The following DPP6 variants were observed in gnomAD, a reference collection of about 807,000 sequenced individuals.
The protein encoded by DPP6 is A-type potassium channel modulatory protein DPP6.
Under a neutral mutation model 122.6 loss-of-function variants are expected in DPP6, and 69 were observed. That is an observed-to-expected ratio of 0.56 (90% CI 0.46 to 0.69). The LOEUF is 0.69. Among genes scored for constraint, DPP6 ranks in the 30% least tolerant of loss-of-function variants. The pLI, the probability that DPP6 is intolerant of heterozygous loss-of-function variation, is 0.00. For missense variants in DPP6, 928 were observed against 1,116.9 expected (o/e 0.83, Z 2.41); for synonymous variants, 418 against 433.1 (o/e 0.97, Z 0.43).
At chr7:154,625,596 T>TGTCTG (rs142095769) in intron 5 of DPP6, among the ~76,000 whole-genome samples, 2,206 of 152,334 alleles carry the variant, frequency 0.014, 49 homozygotes, top group African/African-American at 0.05. Flanking sequence ...ACCATCTCTT[T>TGTCTG]GTCTGTTTTT....
intron 8 of DPP6, among the ~76,000 whole-genome samples, chr7:154,768,297 A>G (rs957999940): frequency 2.0e-5 from 3 of 152,242 alleles, no homozygotes; most frequent in African/African-American, 7.2e-5. Flanking sequence ...GTGGGCAGTC[A>G]GCCCTTGGCT....
Position 154,052,994 on chromosome 7 carries a change from C to G in DPP6, c.174C>G (p.Gly58=), listed in dbSNP as rs1163055980. ...AQAAAPRERG[G]GGGGAGGRPR... ...CGGCGGCGCCCCGGGAGCGCGGCGGCGGCGGCGGCGGCGCGGGTGGCCGGC... is the reference window on the plus strand; with the variant it reads ...CGGCGGCGCCCCGGGAGCGCGGCGGGGGCGGCGGCGGCGCGGGTGGCCGGC... Residue 58 remains glycine, a synonymous_variant, in exon 1 of 26, where the codon GGC becomes GGG. Transcript: ENST00000377770. The surrounding 1 kb of genome is among the most constrained non-coding windows in gnomAD (Gnocchi z 4.8). 2 of 1,055,028 alleles carry G rather than the reference C, an allele frequency of 1.9e-6. No homozygotes were observed. Among genetic ancestry groups the G allele is most frequent in the Non-Finnish European group, 2.3e-6 (2 of 876,046 alleles). 65.4% of individuals were successfully genotyped at this position (1,055,028 alleles called of 1,614,324 possible).
upstream of DPP6, among the ~76,000 whole-genome samples, chr7:153,882,790 C>A (rs374401438): frequency 1.3e-4 from 20 of 152,040 alleles, 1 homozygote; most frequent in Admixed American, 9.8e-4. Context: ...ACATGGCAGA[C>A]CCTATGGGGC....
intron 3 of DPP6, among the ~76,000 whole-genome samples, chr7:154,500,474 T>C (rs1825138071): frequency 6.6e-6 from 1 of 152,190 alleles, no homozygotes. Flanking sequence ...TTCCATGTGT[T>C]GTGGCAGGAA....
rs113024949 is a variant in DPP6, at chr7:154,628,808, A to G, written c.628-9013A>G. 8.0e-3 allele frequency among the ~76,000 whole-genome samples: 1,212 copies of G among 152,288 alleles called. 8 individuals carry two copies. Among genetic ancestry groups the G allele is most frequent in the Non-Finnish European group, 0.014 (953 of 68,024 alleles). ...AGCTGCTACATCGTGCAGGACCATGACAGTGGATGGAATTAATTACTAAAA... is the reference window on the plus strand; with the variant it reads ...AGCTGCTACATCGTGCAGGACCATGGCAGTGGATGGAATTAATTACTAAAA... On this transcript the variant is annotated intron_variant, in intron 5 of 25. Transcript: ENST00000377770.
chr7:153,753,181 G>T, the DPP6 span, among the ~76,000 whole-genome samples: 1 of 150,318 alleles, frequency 6.7e-6, no homozygotes, highest in Non-Finnish European at 1.5e-5. Context: ...CATGTTTGGT[G>T]ACTTGTATGT....
intron 1 of DPP6, among the ~76,000 whole-genome samples, chr7:153,909,999 CCTCT>C: frequency 6.6e-6 from 1 of 152,256 alleles, no homozygotes; most frequent in East Asian, 1.9e-4. Context: ...CTACATCCAC[CCTCT>C]CTCTCCTATG....
At chr7:154,506,425 T>C (rs1586484056) in intron 3 of DPP6, among the ~76,000 whole-genome samples, 1 of 152,254 alleles carries the variant, frequency 6.6e-6, no homozygotes, top group South Asian at 2.1e-4. Context: ...ATTCCTGAGA[T>C]TTTTTTGTGT....
intron 1 of DPP6, among the ~76,000 whole-genome samples, chr7:154,397,561 AAATT>A (rs1259296749): frequency 6.6e-6 from 1 of 152,224 alleles, no homozygotes; most frequent in Non-Finnish European, 1.5e-5. Flanking sequence ...TCAGTAGAAT[AAATT>A]ATCAGTGAAT....
chr7:154,294,643 G>T (rs933129017), intron 1 of DPP6, among the ~76,000 whole-genome samples: 2 of 152,200 alleles, frequency 1.3e-5, no homozygotes, highest in African/African-American at 4.8e-5. Context: ...CTCCAATCCT[G>T]TTGCTAAACA....
At chr7:154,795,959 A>T (rs1331935829) in intron 12 of DPP6, 76 bp downstream of exon 12, 2 of 1,543,112 alleles carry the variant, frequency 1.3e-6, no homozygotes, top group African/African-American at 2.8e-5. Context: ...GAGCTTCGAC[A>T]ACAGCAGAAT....
At chr7:154,250,640 G>A (rs1585741909) in intron 1 of DPP6, among the ~76,000 whole-genome samples, 1 of 152,062 alleles carries the variant, frequency 6.6e-6, no homozygotes, top group Non-Finnish European at 1.5e-5. Flanking sequence ...TTTATTTAAT[G>A]GAAAAAAATG....
chr7:153,815,500 T>A, the DPP6 span, among the ~76,000 whole-genome samples: 5 of 152,074 alleles, frequency 3.3e-5, no homozygotes, highest in African/African-American at 1.2e-4. Flanking sequence ...GTATATCTCC[T>A]AAAGCTATCC....
chr7:154,316,596 T>C (rs748068694), intron 1 of DPP6, among the ~76,000 whole-genome samples: 3 of 152,170 alleles, frequency 2.0e-5, no homozygotes, highest in Admixed American at 6.5e-5. Context: ...GTTGGAGAAG[T>C]GCTTTGAGGA....
chr7:154,792,049 A>G (rs1259363260), intron 10 of DPP6, among the ~76,000 whole-genome samples: 1 of 152,274 alleles, frequency 6.6e-6, no homozygotes, highest in African/African-American at 2.4e-5. Context: ...AATGTTTCCA[A>G]CAATTGAGAA....
At chr7:154,648,549 G>A (rs1266548524) in intron 6 of DPP6, among the ~76,000 whole-genome samples, 1 of 152,144 alleles carries the variant, frequency 6.6e-6, no homozygotes, top group African/African-American at 2.4e-5. Context: ...CTGGATAGTG[G>A]TGGGAAGAGC....
intron 17 of DPP6, among the ~76,000 whole-genome samples, chr7:154,861,780 T>C (rs1258896003): frequency 6.6e-6 from 1 of 152,226 alleles, no homozygotes; most frequent in African/African-American, 2.4e-5. Flanking sequence ...CTGACTCATT[T>C]CCAGAGAAGA....
intron 1 of DPP6, among the ~76,000 whole-genome samples, chr7:154,272,850 TCA>T (rs1803882978): frequency 6.6e-6 from 1 of 152,190 alleles, no homozygotes; most frequent in Non-Finnish European, 1.5e-5. Flanking sequence ...CTGTTCACCC[TCA>T]CAGCCAATCC....
At chr7:154,389,166 G>A (rs1199157140) in intron 1 of DPP6, among the ~76,000 whole-genome samples, 1 of 152,098 alleles carries the variant, frequency 6.6e-6, no homozygotes, top group Non-Finnish European at 1.5e-5. Context: ...TAGTTAGGAG[G>A]GCATTCTTGC....
Sources: gnomAD v4.1 joint callset for allele counts (sites outside exome capture counted in the v4.1 genomes callset) on GRCh38, gnomAD v4.1.1 for gene constraint, Gnocchi (gnomAD v3.1) non-coding constraint, MANE v1.5 for transcripts, NCBI Gene and HGNC (gene_info 2026-07-23, HGNC 2026-07-21) for gene names.